Variants in ZNF341 observed in about 807,000 individuals in gnomAD.
ZNF341 encodes the protein zinc finger protein 341.
Under a neutral mutation model 87.7 loss-of-function variants are expected in ZNF341, and 52 were observed. The observed-to-expected ratio is 0.59, with a 90% CI of 0.47 to 0.75. The LOEUF (loss-of-function observed/expected upper bound fraction) is 0.75, where lower values mean the gene tolerates loss of function less well. Among genes scored for constraint, ZNF341 ranks in the 30% least tolerant of loss-of-function variants. ZNF341 has a pLI of 0.00. For missense variants in ZNF341, 977 were observed against 1,145.9 expected, an observed-to-expected ratio of 0.85 and a Z score of 2.13; for synonymous variants, 459 against 472.7, an observed-to-expected ratio of 0.97 and a Z score of 0.38.
chr20:33,757,081 T>A (rs1373686143), intron 5 of ZNF341, 67 bp from the exon 6 acceptor site: 12 of 1,277,112 alleles, frequency 9.4e-6, no homozygotes, highest in Non-Finnish European at 1.2e-5. Context: ...GCAGGGAGAG[T>A]GCCCCTGGCT....
At chr20:33,733,379 C>T (rs553513948) in intron 1 of ZNF341, among the ~76,000 whole-genome samples, 1 of 151,114 alleles carries the variant, frequency 6.6e-6, no homozygotes, top group Non-Finnish European at 1.5e-5. Flanking sequence ...CAGGCATCCG[C>T]CACCACGCCC....
At chr20:33,756,295 T>G (rs2019176179) in intron 5 of ZNF341, among the ~76,000 whole-genome samples, 2 of 151,930 alleles carry the variant, frequency 1.3e-5, no homozygotes, top group South Asian at 2.1e-4. Flanking sequence ...ACTCTGGCAT[T>G]GGGTAGTGTC....
Position 33,758,792 on chromosome 20 carries a change from G to A in ZNF341, c.1014G>A (p.Gln338=). The A allele has an allele frequency of 1.2e-6, 2 of 1,613,934 alleles. No individual in the cohort carries two copies. The highest frequency in any genetic ancestry group is 2.2e-5 in the East Asian group (1 of 44,884). The part of the protein sequence containing the change: ...DKSFTKNFDL[Q]QHIRSHTGEK... Reference sequence around the variant, plus strand: ...CATTCACCAAAAACTTTGACCTGCAGCAGCACATCCGAAGGTACACATGCG... The same window carrying A: ...CATTCACCAAAAACTTTGACCTGCAACAGCACATCCGAAGGTACACATGCG... The change falls in exon 7 of 15, where the codon CAG becomes CAA. Residue 338 remains glutamine, a synonymous_variant. Coordinates refer to ENST00000375200, the MANE Select transcript of ZNF341 (RefSeq NM_001282933.2).
chr20:33,788,633 G>A (rs1429887610), intron 12 of ZNF341: 3 of 547,190 alleles, frequency 5.5e-6, no homozygotes, highest in Non-Finnish European at 9.9e-6. Flanking sequence ...GATGACCTGA[G>A]GTCTCTCCTC....
chr20:33,775,723 A>T (rs772163725), intron 10 of ZNF341, among the ~76,000 whole-genome samples: 4 of 152,012 alleles, frequency 2.6e-5, no homozygotes, highest in Non-Finnish European at 5.9e-5. Flanking sequence ...TTTTTGAGAC[A>T]GGATCTTGCT....
chr20:33,753,987 C>T (rs1025023927), intron 5 of ZNF341, among the ~76,000 whole-genome samples: 3 of 152,140 alleles, frequency 2.0e-5, no homozygotes, highest in Non-Finnish European at 4.4e-5. Context: ...AGTGGGGTGA[C>T]TCAGCTCTGT....
chr20:33,783,419 G>A (rs2122730705), intron 11 of ZNF341, among the ~76,000 whole-genome samples: 1 of 152,266 alleles, frequency 6.6e-6, no homozygotes, highest in South Asian at 2.1e-4. Context: ...AGGGAGCTAG[G>A]GAAGGCTTGA....
Position 33,746,676 on chromosome 20 carries a change from T to A in ZNF341, c.339+1377T>A, listed in dbSNP as rs115031166. Among the ~76,000 whole-genome samples the A allele has an allele frequency of 2.7e-3, 415 of 152,136 alleles. 2 individuals carry two copies. The highest frequency in any genetic ancestry group is 9.6e-3 in the African/African-American group (400 of 41,508). On this transcript the variant is annotated intron_variant, in intron 3 of 14. Coordinates refer to ENST00000375200, the MANE Select transcript of ZNF341 (RefSeq NM_001282933.2). ...GTGAGAGAGAAAGCCAGGAGACCCG[T>A]TGAGGGACTGTAGTGCAAATCCAGG...
At chr20:33,772,010 T>TAAAAAAAAAAAAAAAAAAGA (rs2019542683) in intron 10 of ZNF341, among the ~76,000 whole-genome samples, 1 of 56,168 alleles carries the variant, frequency 1.8e-5, no homozygotes. Flanking sequence ...ACGCTTGTCT[T>TAAAAAAAAAAAAAAAAAAGA]AAAAAAAAAA....
intron 5 of ZNF341, among the ~76,000 whole-genome samples, chr20:33,756,704 A>T (rs1311981517): frequency 6.6e-6 from 1 of 152,130 alleles, no homozygotes; most frequent in Non-Finnish European, 1.5e-5. Context: ...TACCACTGAT[A>T]AGAATAGACA....
At chr20:33,754,072 A>G (rs957267101) in intron 5 of ZNF341, among the ~76,000 whole-genome samples, 2 of 152,170 alleles carry the variant, frequency 1.3e-5, no homozygotes, top group Non-Finnish European at 2.9e-5. Flanking sequence ...GAAATGCCCA[A>G]GGCCTTTTGA....
Position 33,789,560 on chromosome 20 carries a change from G to A in ZNF341, c.2007G>A (p.Lys669=). The change falls in exon 14 of 15, where the codon AAG becomes AAA. Residue 669 remains lysine (K), a synonymous_variant. Transcript: ENST00000375200. ...GCSKEFNRPD[K]LKAHILSHSG... ...GTAAGGAGTTCAACCGGCCGGACAAGCTGAAGGCCCACATCCTCTCCCACT... is the reference window on the plus strand; with the variant it reads ...GTAAGGAGTTCAACCGGCCGGACAAACTGAAGGCCCACATCCTCTCCCACT... 1 of 1,614,106 alleles carries A rather than the reference G, an allele frequency of 6.2e-7. No homozygotes were observed. The highest frequency in any genetic ancestry group is 8.5e-7 in the Non-Finnish European group (1 of 1,180,020).
rs1043455003 is a variant in ZNF341 at position 33,732,648 on chromosome 20, A to C, written c.31+596A>C. 6.6e-6 allele frequency among the ~76,000 whole-genome samples: 1 copy of C among 152,174 alleles called. No homozygotes were observed. The highest frequency in any genetic ancestry group is 2.4e-5 in the African/African-American group (1 of 41,442). ...CGCACCGTGGCCGGTGCAGTTTTAC[A>C]AATTAAACTGACACCGTGGGTGCTG... On this transcript the variant is annotated intron_variant, in intron 1 of 14. Transcript: ENST00000375200. The surrounding 1 kb of genome is among the most constrained non-coding windows in gnomAD (Gnocchi z 4.5).
At chr20:33,733,572 C>A (rs1409855660) in intron 1 of ZNF341, among the ~76,000 whole-genome samples, 1 of 151,872 alleles carries the variant, frequency 6.6e-6, no homozygotes, top group Non-Finnish European at 1.5e-5. Context: ...GGAGTTTCAC[C>A]ATGTTGGCCA....
intron 3 of ZNF341, among the ~76,000 whole-genome samples, chr20:33,747,237 T>C (rs918576511): frequency 2.6e-5 from 4 of 152,172 alleles, no homozygotes; most frequent in African/African-American, 9.7e-5. Context: ...ATTCATTGTA[T>C]AGGTGTCATT....
chr20:33,780,088 A>G (rs533265388), intron 10 of ZNF341, among the ~76,000 whole-genome samples: 3 of 152,280 alleles, frequency 2.0e-5, no homozygotes, highest in East Asian at 3.9e-4. Flanking sequence ...GGGCAACTTG[A>G]GACAGGGTGG....
intron 2 of ZNF341, among the ~76,000 whole-genome samples, chr20:33,744,337 C>T (rs1057282274): frequency 1.3e-5 from 2 of 151,738 alleles, no homozygotes; most frequent in Non-Finnish European, 2.9e-5. Flanking sequence ...AAAAAGACTT[C>T]TTGGAAGAGG....
At chr20:33,783,651 A>G in intron 11 of ZNF341, 81 bp from the exon 12 acceptor site, 1 of 1,600,368 alleles carries the variant, frequency 6.2e-7, no homozygotes, top group Non-Finnish European at 8.5e-7. Context: ...GGGGCTGGAA[A>G]CGAGGAACCT....
intron 4 of ZNF341, among the ~76,000 whole-genome samples, chr20:33,751,309 C>T (rs549806596): frequency 2.0e-5 from 3 of 152,174 alleles, no homozygotes; most frequent in South Asian, 4.1e-4. Context: ...TCATGATTCT[C>T]TCAAAAGACT....
Sources: allele counts gnomAD v4.1 joint callset (sites outside exome capture counted in the v4.1 genomes callset), GRCh38; gene constraint gnomAD v4.1.1; non-coding constraint Gnocchi (gnomAD v3.1); transcripts MANE v1.5; gene names NCBI Gene and HGNC (gene_info 2026-07-23, HGNC 2026-07-21).